Variants in DPF3 observed in about 807,000 individuals in gnomAD.
The protein encoded by DPF3 is double PHD fingers 3.
Under a neutral mutation model 56.8 loss-of-function variants are expected in DPF3, and 18 were observed. The observed-to-expected ratio is 0.32, with a 90% CI of 0.22 to 0.47. The LOEUF (loss-of-function observed/expected upper bound fraction) is 0.47, where lower values mean the gene tolerates loss of function less well. Ranked by LOEUF, DPF3 falls within the 20% of genes least tolerant of loss-of-function variation. The pLI is 1.00. For synonymous variants in DPF3, 188 were observed against 180.2 expected (o/e 1.04, Z -0.35); for missense variants, 403 against 488.8 (o/e 0.82, Z 1.65).
intron 8 of DPF3, among the ~76,000 whole-genome samples, chr14:72,642,370 T>G (rs996411214): frequency 6.6e-6 from 1 of 152,236 alleles, no homozygotes; most frequent in African/African-American, 2.4e-5. Flanking sequence ...AACTCCTGCT[T>G]AGGCAGTGTC....
At chr14:72,822,430 T>G in intron 1 of DPF3, among the ~76,000 whole-genome samples, 1 of 152,112 alleles carries the variant, frequency 6.6e-6, no homozygotes, top group African/African-American at 2.4e-5. Flanking sequence ...GTTAAAAAAT[T>G]TTTAAAGGTG....
chr14:72,892,336 T>A (rs984167545), intron 1 of DPF3: 61 of 1,535,216 alleles, frequency 4.0e-5, no homozygotes, highest in Non-Finnish European at 5.1e-5. Flanking sequence ...TATTCTGCCA[T>A]AAAACATTTT....
rs1156692961 is a variant in DPF3, at chr14:72,861,801, A to AAG, written c.32+32254_32+32255dup. On this transcript the variant is annotated intron_variant, in intron 1 of 10. Coordinates refer to ENST00000556509, the MANE Select transcript of DPF3 (RefSeq NM_001280542.3). ...AAAGAAAGAAAGAAAGAAAGAAAGA[A>AAG]AGAAGGAAAGAATTTGGAAAAACAG... Among the ~76,000 whole-genome samples the AAG allele has an allele frequency of 2.4e-3, 362 of 150,448 alleles. 3 individuals carry two copies. The highest frequency in any genetic ancestry group is 8.6e-3 in the African/African-American group (344 of 39,896).
chr14:72,692,971 G>A (rs765969894), intron 7 of DPF3, 105 bp downstream of exon 7: 92 of 1,545,106 alleles, frequency 6.0e-5, no homozygotes, highest in Middle Eastern at 4.1e-4. Context: ...ACCACTCAAC[G>A]GTTGCTACCA....
chr14:72,844,684 A>T (rs1884679956), intron 1 of DPF3, among the ~76,000 whole-genome samples: 1 of 152,240 alleles, frequency 6.6e-6, no homozygotes, highest in Non-Finnish European at 1.5e-5. Context: ...TCACAAGAGG[A>T]TGATAGGCTC....
chr14:72,640,754 T>C (rs1885536009), intron 8 of DPF3, among the ~76,000 whole-genome samples: 1 of 152,202 alleles, frequency 6.6e-6, no homozygotes, highest in Non-Finnish European at 1.5e-5. Flanking sequence ...TTCCATTAAT[T>C]GTGCAGATGA....
intron 7 of DPF3, among the ~76,000 whole-genome samples, chr14:72,678,147 C>T (rs1886996883): frequency 6.6e-6 from 1 of 152,182 alleles, no homozygotes; most frequent in Non-Finnish European, 1.5e-5. Context: ...GCGCTGGCTC[C>T]AAGCCTCGGT....
At chr14:72,848,697 G>T (rs1884854981) in intron 1 of DPF3, among the ~76,000 whole-genome samples, 1 of 152,180 alleles carries the variant, frequency 6.6e-6, no homozygotes, top group Admixed American at 6.5e-5. Flanking sequence ...AAGCTGTGCA[G>T]GTGTCCCGTA....
intron 6 of DPF3, among the ~76,000 whole-genome samples, chr14:72,710,123 C>G (rs149731700): frequency 6.6e-6 from 1 of 152,284 alleles, no homozygotes; most frequent in African/African-American, 2.4e-5. Flanking sequence ...GCTCCAATGA[C>G]GCTAACAGAA....
At chr14:72,704,001 C>A (rs1442003153) in intron 6 of DPF3, among the ~76,000 whole-genome samples, 2 of 152,206 alleles carry the variant, frequency 1.3e-5, no homozygotes, top group Non-Finnish European at 1.5e-5. Context: ...TACACAATTT[C>A]TCATTGAACC....
intron 4 of DPF3, among the ~76,000 whole-genome samples, chr14:72,729,054 C>T (rs1317235010): frequency 6.6e-6 from 1 of 151,902 alleles, no homozygotes; most frequent in Non-Finnish European, 1.5e-5. Flanking sequence ...TCGAGACCAG[C>T]CTGGCAAACA....
At chr14:72,857,831 C>A (rs1022999175) in intron 1 of DPF3, among the ~76,000 whole-genome samples, 1 of 152,108 alleles carries the variant, frequency 6.6e-6, no homozygotes, top group Non-Finnish European at 1.5e-5. Context: ...CTGTGATCCG[C>A]CCACCTCAGC....
At position 72,892,365 on chromosome 14, in the gene DPF3, T is replaced by C. The variant is rs760208536; in HGVS notation, c.32+1692A>G. 62 of 1,531,272 alleles carry C rather than the reference T, an allele frequency of 4.0e-5. No individual in the cohort carries two copies. In the South Asian group the frequency reaches 7.1e-4, roughly 17 times the overall value. 94.9% of individuals were successfully genotyped at this position (1,531,272 alleles called of 1,614,324 possible). On this transcript the variant is annotated intron_variant, in intron 1 of 10. Coordinates refer to ENST00000556509, the MANE Select transcript of DPF3 (RefSeq NM_001280542.3). ...ACATTTTCTTTCTTGGGTGAAACGC[T>C]GTGGCGTTCAAGCGCAGTGTATCCG... is the stretch of plus-strand genomic sequence containing the variant.
At chr14:72,662,591 TC>T in intron 8 of DPF3, 1 of 985,296 alleles carries the variant, frequency 1.0e-6, no homozygotes, top group South Asian at 4.7e-5. Flanking sequence ...AAAAAAATCT[TC>T]TTATTGCACA....
At chr14:72,892,388 C>A (rs1256038835) in intron 1 of DPF3, 1 of 1,513,802 alleles carries the variant, frequency 6.6e-7, no homozygotes, top group Admixed American at 2.0e-5. Context: ...CGCAGTGTAT[C>A]CGAGCTTCCG....
chr14:72,658,364 A>G (rs1031347334), intron 8 of DPF3, among the ~76,000 whole-genome samples: 1 of 152,140 alleles, frequency 6.6e-6, no homozygotes, highest in Admixed American at 6.6e-5. Flanking sequence ...AAAATTCCGG[A>G]AGGATTTTTT....
chr14:72,850,183 C>G (rs1884919496), intron 1 of DPF3, among the ~76,000 whole-genome samples: 5 of 152,120 alleles, frequency 3.3e-5, no homozygotes, highest in African/African-American at 1.2e-4. Context: ...TCAAACTTCT[C>G]TCAGAAAATC....
At chr14:72,853,347 A>G (rs562760165) in intron 1 of DPF3, 20 of 152,118 alleles carry the variant, frequency 1.3e-4, no homozygotes, top group African/African-American at 4.8e-4. Flanking sequence ...GTTGCTTTTT[A>G]AATGTTTCAA....
chr14:72,727,566 A>G (rs1483676363), intron 4 of DPF3, among the ~76,000 whole-genome samples: 2 of 143,754 alleles, frequency 1.4e-5, no homozygotes, highest in East Asian at 2.0e-4. Flanking sequence ...ACGAGGCGAG[A>G]CTCCATCTCA....
Sources: allele counts gnomAD v4.1 joint callset (sites outside exome capture counted in the v4.1 genomes callset), GRCh38; gene constraint gnomAD v4.1.1; transcripts MANE v1.5; gene names NCBI Gene and HGNC (gene_info 2026-07-23, HGNC 2026-07-21).